Variants in STK3 observed in about 807,000 individuals in gnomAD.
STK3 encodes the protein serine/threonine kinase 3.
STK3 carries 41 observed loss-of-function variants against 58.0 expected under a neutral mutation model. The ratio of observed to expected loss-of-function variants is 0.71; its 90% CI spans 0.55 to 0.92. The LOEUF is 0.92. Among genes scored for constraint, STK3 ranks in the 40% least tolerant of loss-of-function variants. STK3 has a pLI of 0.00. For synonymous variants in STK3, 170 were observed against 191.0 expected (o/e 0.89, Z 0.91); for missense variants, 479 against 602.7 (o/e 0.79, Z 2.15).
At chr8:98,840,583 G>GTATATATATATATA (rs59274441) in intron 3 of STK3, among the ~76,000 whole-genome samples, 4 of 80,134 alleles carry the variant, frequency 5.0e-5, no homozygotes, top group Admixed American at 1.2e-4. Flanking sequence ...AGAAAAAAAT[G>GTATATATATATATA]TATATATATA....
chr8:98,581,798 C>T (rs1284054654), intron 7 of STK3, among the ~76,000 whole-genome samples: 3 of 151,946 alleles, frequency 2.0e-5, no homozygotes, highest in Admixed American at 2.0e-4. Flanking sequence ...GTCCCACCAT[C>T]TCTAGCAGTC....
In STK3 at chr8:98,929,644, T is replaced by C. The variant is rs138214498; in HGVS notation, c.-79+12734A>G. On this transcript the variant is annotated intron_variant, in intron 1 of 1. Transcript: ENST00000519420. ...CATCTTGGGTGACAGAGCCAGACCC[T>C]GTCATAAATAAATAAATAAATAAAG... Among the ~76,000 whole-genome samples, 771 of 152,272 alleles carry C rather than the reference T, an allele frequency of 5.1e-3. 27 individuals are homozygous for C. In the East Asian group the frequency reaches 0.076, roughly 15 times the overall value.
intron 6 of STK3, among the ~76,000 whole-genome samples, chr8:98,693,973 T>A (rs1251428053): frequency 6.6e-6 from 1 of 152,236 alleles, no homozygotes; most frequent in Admixed American, 6.5e-5. Context: ...ACCACATTTT[T>A]TGTCTCTTTT....
At chr8:98,432,026 A>G (rs966142445) in intron 3 of STK3, 2 of 167,086 alleles carry the variant, frequency 1.2e-5, no homozygotes, top group African/African-American at 4.8e-5. Context: ...TGTAGACTGA[A>G]TGGTGACCCA....
intron 6 of STK3, among the ~76,000 whole-genome samples, chr8:98,640,445 A>G (rs1259523829): frequency 1.3e-5 from 2 of 152,166 alleles, no homozygotes; most frequent in Non-Finnish European, 2.9e-5. Context: ...ATCTAGTGGA[A>G]AAATGTGATA....
chr8:98,906,447 G>A (rs573446403), intron 1 of STK3: 56 of 152,376 alleles, frequency 3.7e-4, no homozygotes, highest in African/African-American at 1.3e-3. Context: ...GGTCTGCAGC[G>A]CGGCCGCCAG....
At chr8:98,803,486 C>T (rs998088763) in intron 1 of STK3, among the ~76,000 whole-genome samples, 2 of 148,556 alleles carry the variant, frequency 1.3e-5, no homozygotes, top group Non-Finnish European at 3.0e-5. Flanking sequence ...CCCAGCTACT[C>T]GGGAGGCTAA....
chr8:98,437,044 AC>A (rs1417592221), intron 2 of STK3: 1 of 151,872 alleles, frequency 6.6e-6, no homozygotes, highest in East Asian at 1.9e-4. Context: ...CTTTTCTGCA[AC>A]CCCTCCACTC....
At chr8:98,370,846 T>C (rs188355369), downstream of STK3, among the ~76,000 whole-genome samples, 203 of 152,338 alleles carry the variant, frequency 1.3e-3, no homozygotes, top group Admixed American at 2.6e-3. Context: ...ATCTGGATGA[T>C]CTTTGGTTGT....
chr8:98,848,408 C>G (rs548343714), intron 3 of STK3, among the ~76,000 whole-genome samples: 51 of 152,196 alleles, frequency 3.4e-4, no homozygotes, highest in African/African-American at 1.2e-3. Context: ...CGCCACCATG[C>G]CTGGCTAATT....
In STK3 at chr8:98,596,211, T is replaced by C. The variant is rs550650334; in HGVS notation, c.685-42A>G. The C allele has an allele frequency of 2.6e-5, 40 of 1,565,152 alleles. 2 individuals carry two copies. In the South Asian group the frequency reaches 4.0e-4, roughly 16 times the overall value. ...ATCCAAAAGACAGTAAGAATCACAC[T>C]AGCACAATCAAATAAACAAATCTCT... On this transcript the variant is annotated intron_variant, in intron 6 of 10. Coordinates refer to ENST00000419617, the MANE Select transcript of STK3 (RefSeq NM_006281.4).
rs747445435 is a variant in STK3 at position 98,706,654 on chromosome 8, C to A, written c.517-20G>T. 3 of 1,539,506 alleles carry A rather than the reference C, an allele frequency of 1.9e-6. No individual in the cohort carries two copies. In the Admixed American group the frequency reaches 6.1e-5, roughly 31 times the overall value. On this transcript the variant is annotated intron_variant, in intron 5 of 10. Transcript: ENST00000419617. ...TGTATCCTGCAATAATGTTACATAGCCATAAATGCTACTACAAAAGCACAA... is the reference window on the plus strand; with the variant it reads ...TGTATCCTGCAATAATGTTACATAGACATAAATGCTACTACAAAAGCACAA...
At chr8:98,923,774 T>G (rs1183004735) in intron 1 of STK3, among the ~76,000 whole-genome samples, 1 of 150,566 alleles carries the variant, frequency 6.6e-6, no homozygotes, top group African/African-American at 2.5e-5. Context: ...TAAAGTGAAG[T>G]GAAAAACCAG....
intron 8 of STK3, among the ~76,000 whole-genome samples, chr8:98,559,141 C>T (rs1218049109): frequency 2.0e-5 from 3 of 152,116 alleles, no homozygotes; most frequent in Non-Finnish European, 2.9e-5. Flanking sequence ...CAAATACATT[C>T]TGTGTTGATG....
intron 3 of STK3, chr8:98,875,680 T>A (rs1185875343): frequency 2.0e-5 from 3 of 152,212 alleles, no homozygotes; most frequent in Admixed American, 6.5e-5. Flanking sequence ...CATTCTTTGC[T>A]GATGAGCCTA....
intron 1 of STK3, among the ~76,000 whole-genome samples, chr8:98,818,803 G>A (rs529773819): frequency 4.3e-4 from 65 of 151,976 alleles, no homozygotes; most frequent in African/African-American, 1.4e-3. Flanking sequence ...CGATATTCAC[G>A]GTATGTATGC....
chr8:98,635,524 A>C lies in STK3; in HGVS notation c.685-39355T>G, dbSNP rs79438786. 2.8e-4 allele frequency among the ~76,000 whole-genome samples: 43 copies of C among 152,308 alleles called. No individual in the cohort carries two copies. In the East Asian group the frequency reaches 5.8e-3, roughly 20 times the overall value. Reference sequence around the variant, plus strand: ...AGCTCCAAAGTCCATGATCTTAATCATCAAGTTATACTACCTCTTTTCAGG... The same window carrying C: ...AGCTCCAAAGTCCATGATCTTAATCCTCAAGTTATACTACCTCTTTTCAGG... On this transcript the variant is annotated intron_variant, in intron 6 of 10. Coordinates refer to ENST00000419617, the MANE Select transcript of STK3 (RefSeq NM_006281.4).
At chr8:98,598,577 G>C (rs996099467) in intron 6 of STK3, 1 of 985,184 alleles carries the variant, frequency 1.0e-6, no homozygotes, top group East Asian at 1.1e-4. Flanking sequence ...ATGAACCACA[G>C]AGGATCCTCT....
chr8:98,630,762 G>C (rs958775881), intron 6 of STK3, among the ~76,000 whole-genome samples: 7 of 150,116 alleles, frequency 4.7e-5, no homozygotes, highest in African/African-American at 1.7e-4. Flanking sequence ...AGAAGGAGAA[G>C]AACAAGAAGA....
Sources: allele counts gnomAD v4.1 joint callset (sites outside exome capture counted in the v4.1 genomes callset), GRCh38; gene constraint gnomAD v4.1.1; transcripts MANE v1.5; gene names NCBI Gene and HGNC (gene_info 2026-07-23, HGNC 2026-07-21).